The following PHACTR1 variants were observed in gnomAD, a reference collection of about 807,000 sequenced individuals.
PHACTR1 encodes phosphatase and actin regulator 1, also known as RPEL repeat containing 1.
A neutral mutation model predicts 69.2 loss-of-function variants in PHACTR1; 16 were observed. The observed-to-expected ratio is 0.23, with a 90% CI of 0.16 to 0.35. The LOEUF is 0.35. Among genes scored for constraint, PHACTR1 ranks in the 10% least tolerant of loss-of-function variants. The pLI is 1.00. For missense variants in PHACTR1, 510 were observed against 734.7 expected (o/e 0.69, Z 3.54); for synonymous variants, 312 against 284.5 (o/e 1.10, Z -0.97).
intron 4 of PHACTR1, among the ~76,000 whole-genome samples, chr6:13,034,750 C>A (rs1211398963): frequency 1.3e-5 from 2 of 152,162 alleles, no homozygotes; most frequent in Non-Finnish European, 2.9e-5. Context: ...TTTCTTGAAC[C>A]AGCTCAATCC....
chr6:13,206,197 A>T, intron 8 of PHACTR1, 61 bp downstream of exon 8: 1 of 1,441,804 alleles, frequency 6.9e-7, no homozygotes, highest in Non-Finnish European at 9.4e-7. Flanking sequence ...AGGGGGGCCT[A>T]GGGATTTGGA....
intron 4 of PHACTR1, among the ~76,000 whole-genome samples, chr6:13,016,914 C>T (rs537521683): frequency 3.3e-5 from 5 of 152,194 alleles, no homozygotes; most frequent in South Asian, 2.1e-4. Flanking sequence ...CGGCTGGGCG[C>T]GGTGGCTCAC....
At chr6:12,926,617 C>T (rs1009572314) in intron 4 of PHACTR1, among the ~76,000 whole-genome samples, 1 of 152,258 alleles carries the variant, frequency 6.6e-6, no homozygotes, top group Non-Finnish European at 1.5e-5. Flanking sequence ...CCATAGAAAG[C>T]TGCCCATCAA....
chr6:13,164,326 A>G (rs142281397), intron 6 of PHACTR1, among the ~76,000 whole-genome samples: 1 of 152,336 alleles, frequency 6.6e-6, no homozygotes, highest in East Asian at 1.9e-4. Context: ...GTTCATTTCA[A>G]GGATAAATCT....
intron 4 of PHACTR1, among the ~76,000 whole-genome samples, chr6:12,862,749 G>C (rs892645312): frequency 3.9e-5 from 6 of 152,146 alleles, no homozygotes; most frequent in Non-Finnish European, 7.3e-5. Context: ...GTGCACATCT[G>C]AGAAACTTTT....
At chr6:12,943,949 A>G (rs984090719) in intron 4 of PHACTR1, among the ~76,000 whole-genome samples, 1 of 152,260 alleles carries the variant, frequency 6.6e-6, no homozygotes, top group African/African-American at 2.4e-5. Context: ...TAGAAAAATA[A>G]TGGACAAAAG....
chr6:12,729,115 C>G (rs79324441), intron 3 of PHACTR1, among the ~76,000 whole-genome samples: 4,822 of 152,246 alleles, frequency 0.032, 237 homozygotes, highest in African/African-American at 0.11. Context: ...GACCCCCACC[C>G]GCCCCATCAC....
Position 12,781,773 on chromosome 6 carries a change from T to G in PHACTR1, c.250+31983T>G, listed in dbSNP as rs147765423. 2.8e-3 allele frequency among the ~76,000 whole-genome samples: 419 copies of G among 152,330 alleles called. 2 individuals are homozygous for G. Among genetic ancestry groups the G allele is most frequent in the African/African-American group, 8.5e-3 (352 of 41,578 alleles). ...GCTTCTGATTGTCTTGACCTCCTCC[T>G]GGAGGGAGGGAGGGTGGTAAATGTG... On this transcript the variant is annotated intron_variant, in intron 4 of 14. Transcript: ENST00000332995.
intron 8 of PHACTR1, among the ~76,000 whole-genome samples, chr6:13,219,182 T>C (rs1768208018): frequency 1.3e-5 from 2 of 152,188 alleles, no homozygotes; most frequent in Admixed American, 1.3e-4. Context: ...CCTCTCAAGC[T>C]TTCCAAATAT....
chr6:12,812,033 A>T (rs1775068761), intron 4 of PHACTR1, among the ~76,000 whole-genome samples: 1 of 152,134 alleles, frequency 6.6e-6, no homozygotes, highest in Non-Finnish European at 1.5e-5. Context: ...TAACCATTTT[A>T]AACTGTGCAA....
At chr6:13,097,443 T>G (rs1814450535) in intron 5 of PHACTR1, among the ~76,000 whole-genome samples, 1 of 152,222 alleles carries the variant, frequency 6.6e-6, no homozygotes, top group South Asian at 2.1e-4. Context: ...ATTTTTGTTG[T>G]TACACTGATC....
At chr6:13,250,363 C>T (rs932874097) in intron 10 of PHACTR1, among the ~76,000 whole-genome samples, 2 of 152,158 alleles carry the variant, frequency 1.3e-5, no homozygotes, top group Admixed American at 6.5e-5. Flanking sequence ...CAAAATAATC[C>T]CATTTACCTT....
At chr6:13,222,292 C>T (rs1410216061) in intron 8 of PHACTR1, among the ~76,000 whole-genome samples, 2 of 152,180 alleles carry the variant, frequency 1.3e-5, no homozygotes, top group African/African-American at 2.4e-5. Context: ...ATGTGACTCT[C>T]TCAGACCACT....
chr6:13,153,158 G>C (rs1214773329), intron 5 of PHACTR1, among the ~76,000 whole-genome samples: 1 of 152,218 alleles, frequency 6.6e-6, no homozygotes, highest in Non-Finnish European at 1.5e-5. Context: ...TCCATCCAGG[G>C]TCGGCAAGGC....
chr6:13,159,544 C>T (rs1758673399), intron 5 of PHACTR1, among the ~76,000 whole-genome samples: 1 of 152,208 alleles, frequency 6.6e-6, no homozygotes, highest in African/African-American at 2.4e-5. Context: ...GCATTTCTAG[C>T]ATTGAATCCC....
chr6:13,015,777 A>T (rs1452196526), intron 4 of PHACTR1, among the ~76,000 whole-genome samples: 1 of 152,230 alleles, frequency 6.6e-6, no homozygotes, highest in Non-Finnish European at 1.5e-5. Flanking sequence ...AACCTACAGC[A>T]CACAGTTCTT....
intron 3 of PHACTR1, among the ~76,000 whole-genome samples, chr6:12,731,302 C>T (rs1479590735): frequency 6.6e-6 from 1 of 152,180 alleles, no homozygotes; most frequent in Non-Finnish European, 1.5e-5. Context: ...GTGTGAGCCA[C>T]CATGCCCGGC....
chr6:12,747,224 G>C (rs1046211614), intron 3 of PHACTR1, among the ~76,000 whole-genome samples: 5 of 152,156 alleles, frequency 3.3e-5, no homozygotes, highest in South Asian at 2.1e-4. Flanking sequence ...CTAGTTAAGG[G>C]CATAGGATTT....
At chr6:12,934,909 C>A (rs774717401) in intron 4 of PHACTR1, among the ~76,000 whole-genome samples, 15 of 152,048 alleles carry the variant, frequency 9.9e-5, no homozygotes, top group Non-Finnish European at 2.2e-4. Flanking sequence ...TTGTACTGCA[C>A]TATAAGAGAT....
Sources: gnomAD v4.1 joint callset for allele counts (sites outside exome capture counted in the v4.1 genomes callset) on GRCh38, gnomAD v4.1.1 for gene constraint, MANE v1.5 for transcripts, NCBI Gene and HGNC (gene_info 2026-07-23, HGNC 2026-07-21) for gene names.